The following MUC13 variants were observed in gnomAD, a reference collection of about 807,000 sequenced individuals.
MUC13 encodes the protein mucin-13.
In MUC13, 32 loss-of-function variants were observed where a neutral mutation model predicts 48.3. The observed-to-expected ratio is 0.66, with a 90% CI of 0.50 to 0.89. The LOEUF (loss-of-function observed/expected upper bound fraction) is 0.89, where lower values mean the gene tolerates loss of function less well. Ranked by LOEUF, MUC13 falls within the 40% of genes least tolerant of loss-of-function variation. MUC13 has a pLI of 0.00. For missense variants in MUC13, 571 were observed against 622.8 expected, an observed-to-expected ratio of 0.92 and a Z score of 0.88; for synonymous variants, 199 against 224.9, an observed-to-expected ratio of 0.88 and a Z score of 1.03.
intron 5 of MUC13, 103 bp from the exon 6 acceptor site, chr3:124,916,583 G>T: frequency 8.0e-7 from 1 of 1,257,062 alleles, no homozygotes; most frequent in Non-Finnish European, 1.1e-6. Context: ...GTCCTGACCC[G>T]CTGTCCTGTC....
chr3:124,922,552 C>G lies in MUC13; in HGVS notation c.638-249G>C, dbSNP rs114718224. On this transcript the variant is annotated intron_variant, in intron 3 of 11. Coordinates refer to ENST00000616727, the MANE Select transcript of MUC13 (RefSeq NM_033049.4). ...AAGTTTATGCCATATTTTTTTTCTT[C>G]TTATTATATAATAGGTATTTTCCAA... Among the ~76,000 whole-genome samples, 4 of 132,100 alleles carry G rather than the reference C, an allele frequency of 3.0e-5. No individual in the cohort carries two copies. The East Asian group carries it at 6.7e-4, about 22-fold the overall frequency. 86.7% of individuals were successfully genotyped at this position (132,100 alleles called of 152,430 possible). A position where few individuals can be genotyped will look rare whatever the true frequency, so the allele number is the denominator to read the frequency against.
chr3:124,919,073 C>G lies in MUC13; in HGVS notation c.800+1161G>C, dbSNP rs559101173. Among the ~76,000 whole-genome samples the G allele has an allele frequency of 6.0e-5, 9 of 149,834 alleles. No individual in the cohort carries two copies. In the East Asian group the frequency reaches 1.7e-3, roughly 28 times the overall value. On this transcript the variant is annotated intron_variant, in intron 5 of 11. Transcript: ENST00000616727. ...TTTATTTAGGCTGGGAGTGGTGGCT[C>G]ACACCTGTAATCCCAGCACTTTGGG...
At chr3:124,923,777 C>G in intron 2 of MUC13, 128 bp from the exon 3 acceptor site, 2 of 886,382 alleles carry the variant, frequency 2.3e-6, no homozygotes, top group South Asian at 3.4e-5. Context: ...TACTCCACAG[C>G]ACACTTTTGG....
Position 124,920,241 on chromosome 3 carries a change from T to A in MUC13, c.793A>T (p.Thr265Ser). The A allele has an allele frequency of 6.2e-7, 1 of 1,606,040 alleles. No homozygotes were observed. The highest frequency in any genetic ancestry group is 8.5e-7 in the Non-Finnish European group (1 of 1,175,274). The change falls in exon 5 of 12, where the codon ACT becomes TCT. Residue 265 changes from threonine to serine, a missense_variant. Transcript: ENST00000616727. ...TSVYGQTVIL[T>S]VSTSLSPRSE... is the part of the protein sequence containing the mutation. ...TGTCCATAACAAACTTACCTTACAG[T>A]AAGAATTACAGTCTGTCCATAAACA... is the stretch of plus-strand genomic sequence containing the variant.
chr3:124,921,970 G>A (rs556981187), intron 4 of MUC13, among the ~76,000 whole-genome samples: 2 of 152,358 alleles, frequency 1.3e-5, no homozygotes, highest in East Asian at 3.9e-4. Context: ...AAGACCATGG[G>A]GTGGTCCAAG....
intron 6 of MUC13, among the ~76,000 whole-genome samples, chr3:124,915,051 G>T (rs1442296058): frequency 6.6e-6 from 1 of 152,200 alleles, no homozygotes; most frequent in Non-Finnish European, 1.5e-5. Context: ...CCAGGAAGAA[G>T]GGAACATCTA....
intron 1 of MUC13, among the ~76,000 whole-genome samples, chr3:124,928,233 G>A (rs1004931676): frequency 2.0e-5 from 3 of 150,442 alleles, no homozygotes; most frequent in African/African-American, 7.3e-5. Flanking sequence ...ATTCTTTTCT[G>A]GAAAAATGAA....
chr3:124,931,708 A>G (rs908054492), intron 1 of MUC13, among the ~76,000 whole-genome samples: 2 of 150,766 alleles, frequency 1.3e-5, no homozygotes, highest in Non-Finnish European at 2.9e-5. Context: ...AGATAGTGCC[A>G]TTGCACTCCA....
At position 124,910,631 on chromosome 3, in the gene MUC13, AG is replaced by A; in HGVS notation, c.1253-133del. ...GTTCTGGTCTCCAACCCTCCAGGCC[AG>A]GTTGGGTAGTTGGCCTATTTCCTTT... On this transcript the variant is annotated intron_variant, in intron 9 of 11. Transcript: ENST00000616727. 2.1e-6 allele frequency: 3 copies of A among 1,403,638 alleles called. No individual in the cohort carries two copies. In the African/African-American group the frequency reaches 4.3e-5, roughly 20 times the overall value. The allele number at this position is 1,403,638 out of a possible 1,614,324, so 86.9% of individuals were successfully genotyped here.
At chr3:124,921,824 A>G (rs2107671298) in intron 4 of MUC13, among the ~76,000 whole-genome samples, 1 of 152,364 alleles carries the variant, frequency 6.6e-6, no homozygotes, top group South Asian at 2.1e-4. Context: ...GAAATAATTT[A>G]TTTTAAAACT....
intron 1 of MUC13, among the ~76,000 whole-genome samples, chr3:124,929,110 C>T (rs1364446007): frequency 1.3e-5 from 2 of 152,014 alleles, no homozygotes; most frequent in Admixed American, 6.6e-5. Context: ...CTTTTAGGAA[C>T]CCCTGGACAC....
intron 10 of MUC13, 34 bp from the exon 11 acceptor site, chr3:124,908,382 T>C: frequency 3.9e-6 from 6 of 1,535,200 alleles, no homozygotes; most frequent in Non-Finnish European, 5.4e-6. Flanking sequence ...GATTTGACAA[T>C]GGCAGAAAGT....
intron 10 of MUC13, among the ~76,000 whole-genome samples, chr3:124,909,485 CGTGTGTGTGTGT>C (rs71148156): frequency 8.1e-5 from 12 of 148,342 alleles, no homozygotes; most frequent in Non-Finnish European, 1.6e-4. Context: ...TGTGTGCTTG[CGTGTGTGTGTGT>C]GTGTGTGTGT....
At position 124,906,290 on chromosome 3, in the gene MUC13, T is replaced by G. The variant is rs971232528; in HGVS notation, c.*453A>C. ...CTTGAAAGATGGTGGGTATCCCTTC[T>G]CATCCCCTCGGACCTCCACAGTTGA... On this transcript the variant is annotated 3_prime_UTR_variant, in exon 12 of 12. Transcript: ENST00000616727. 1.3e-5 allele frequency: 2 copies of G among 152,626 alleles called. No homozygotes were observed. Among genetic ancestry groups the G allele is most frequent in the East Asian group, 3.9e-4 (2 of 5,194 alleles). The allele number at this position is 152,626 out of a possible 1,614,324, so 9.5% of individuals were successfully genotyped here.
At chr3:124,920,387 C>G (rs1935574342) in intron 4 of MUC13, 98 bp from the exon 5 acceptor site, 4 of 933,392 alleles carry the variant, frequency 4.3e-6, no homozygotes, top group African/African-American at 1.7e-5. Flanking sequence ...CTCTATCTAG[C>G]TTTTAACAGG....
At chr3:124,919,468 A>C (rs1935558693) in intron 5 of MUC13, among the ~76,000 whole-genome samples, 1 of 150,908 alleles carries the variant, frequency 6.6e-6, no homozygotes, top group Admixed American at 6.6e-5. Flanking sequence ...AGGATTACAG[A>C]TGTGAGCCAC....
rs372868699 is a variant in MUC13, at chr3:124,912,170, T to C, written c.1215-29A>G. The C allele has an allele frequency of 2.6e-5, 42 of 1,610,194 alleles. No individual in the cohort carries two copies. The African/African-American group carries it at 3.3e-4, about 13-fold the overall frequency. ...AAATACAGTGAGCAATAGGAAACAGTGTTAAAGAGCCCCTGTGGGGAGCAT... is the reference window on the plus strand; with the variant it reads ...AAATACAGTGAGCAATAGGAAACAGCGTTAAAGAGCCCCTGTGGGGAGCAT... On this transcript the variant is annotated intron_variant, in intron 8 of 11. Transcript: ENST00000616727.
chr3:124,924,259 A>ATTT (rs1935652737), intron 2 of MUC13, among the ~76,000 whole-genome samples: 2 of 152,214 alleles, frequency 1.3e-5, no homozygotes, highest in Non-Finnish European at 2.9e-5. Context: ...GGATCATCTG[A>ATTT]ATAAATGGTG....
intron 6 of MUC13, among the ~76,000 whole-genome samples, chr3:124,914,364 C>T (rs909842430): frequency 2.0e-5 from 3 of 151,594 alleles, no homozygotes; most frequent in Admixed American, 6.6e-5. Flanking sequence ...GAGCCGAGAT[C>T]GTGCCATTGC....
Sources: allele counts gnomAD v4.1 joint callset (sites outside exome capture counted in the v4.1 genomes callset), GRCh38; gene constraint gnomAD v4.1.1; transcripts MANE v1.5; gene names NCBI Gene and HGNC (gene_info 2026-07-23, HGNC 2026-07-21).